Variants in CNOT10 observed in about 807,000 individuals in gnomAD.
The protein encoded by CNOT10 is CCR4-NOT transcription complex, subunit 10.
Under a neutral mutation model 94.6 loss-of-function variants are expected in CNOT10, and 30 were observed. The observed-to-expected ratio is 0.32, with a 90% CI of 0.24 to 0.43. The LOEUF (loss-of-function observed/expected upper bound fraction) is 0.43, where lower values mean the gene tolerates loss of function less well. Among genes scored for constraint, CNOT10 ranks in the 20% least tolerant of loss-of-function variants. The probability of loss-of-function intolerance (pLI) is 1.00; values close to 1 mark genes in which losing one functional copy is unlikely to be tolerated. For missense variants in CNOT10, 759 were observed against 877.2 expected, an observed-to-expected ratio of 0.87 and a Z score of 1.70; for synonymous variants, 289 against 301.6, an observed-to-expected ratio of 0.96 and a Z score of 0.43.
chr3:32,703,538 CT>C (rs1697470210), intron 1 of CNOT10, among the ~76,000 whole-genome samples: 1 of 152,128 alleles, frequency 6.6e-6, no homozygotes, highest in Admixed American at 6.5e-5. Context: ...CCCTACTCAC[CT>C]TTCTTCCTGT....
intron 3 of CNOT10, among the ~76,000 whole-genome samples, chr3:32,705,566 T>C (rs565363207): frequency 6.6e-6 from 1 of 152,286 alleles, no homozygotes; most frequent in East Asian, 1.9e-4. Flanking sequence ...CTTGTTCTTC[T>C]CAGTAGCCCT....
chr3:32,726,594 A>G (rs1698675812), intron 9 of CNOT10, among the ~76,000 whole-genome samples: 1 of 151,282 alleles, frequency 6.6e-6, no homozygotes, highest in Non-Finnish European at 1.5e-5. Flanking sequence ...TACTTGGGAG[A>G]CAGAAGCAGG....
chr3:32,721,060 C>T (rs986111627), intron 8 of CNOT10, among the ~76,000 whole-genome samples: 35 of 97,680 alleles, frequency 3.6e-4, no homozygotes, highest in East Asian at 6.7e-4. Flanking sequence ...TCTTTCCTTT[C>T]TTTTTTTTTT....
intron 13 of CNOT10, among the ~76,000 whole-genome samples, chr3:32,742,982 ATC>A (rs1341865321): frequency 2.9e-5 from 4 of 137,376 alleles, no homozygotes; most frequent in African/African-American, 1.2e-4. Context: ...ATGAATACTA[ATC>A]TTTTTTTTTT....
At chr3:32,687,451 T>G (rs111860369) in intron 1 of CNOT10, among the ~76,000 whole-genome samples, 26 of 70,412 alleles carry the variant, frequency 3.7e-4, no homozygotes, top group Admixed American at 7.3e-4. Flanking sequence ...TTTTTTTTTT[T>G]GTTTTTTTTT....
rs529423159 is a variant in CNOT10 at position 32,741,768 on chromosome 3, C to CAAAAAAAAAAAAAAAAAA, written c.1595+4293_1595+4294insAAAAAAAAAAAAAAAAAA. Reference sequence around the variant, plus strand: ...TGGGCGACAGAGCGAGACTCCGTCTCAAAAAAAAAAAAAAACAGAAGAAAA... The same window carrying CAAAAAAAAAAAAAAAAAA: ...TGGGCGACAGAGCGAGACTCCGTCTCAAAAAAAAAAAAAAAAAAAAAAAAAAAAAAAAACAGAAGAAAA... On this transcript the variant is annotated intron_variant, in intron 13 of 18. Transcript: ENST00000328834. Among the ~76,000 whole-genome samples, 70 of 86,510 alleles carry CAAAAAAAAAAAAAAAAAA rather than the reference C, an allele frequency of 8.1e-4. 1 individual carries two copies. The highest frequency in any genetic ancestry group is 7.5e-3 in the East Asian group (19 of 2,518). The allele number at this position is 86,510 out of a possible 152,430, so 56.8% of individuals were successfully genotyped here. A position where few individuals can be genotyped will look rare whatever the true frequency, so the allele number is the denominator to read the frequency against.
chr3:32,717,291 A>T, intron 7 of CNOT10, 54 bp downstream of exon 7: 4 of 1,043,298 alleles, frequency 3.8e-6, no homozygotes, highest in Non-Finnish European at 5.9e-6. Context: ...TATTTAGACT[A>T]TGGGTATTGT....
intron 3 of CNOT10, 137 bp from the exon 4 acceptor site, chr3:32,708,533 T>A (rs994430833): frequency 4.5e-6 from 3 of 669,374 alleles, no homozygotes; most frequent in Non-Finnish European, 7.4e-6. Flanking sequence ...AATTAAAATC[T>A]AAAGATACTG....
intron 1 of CNOT10, among the ~76,000 whole-genome samples, chr3:32,691,159 C>CTTT (rs34462848): frequency 1.1e-4 from 10 of 88,176 alleles, no homozygotes; most frequent in Admixed American, 2.9e-4. Flanking sequence ...CCACAGCCAG[C>CTTT]TTTTTTTTTT....
intron 10 of CNOT10, among the ~76,000 whole-genome samples, chr3:32,732,503 T>A (rs959146413): frequency 6.6e-6 from 1 of 151,968 alleles, no homozygotes; most frequent in African/African-American, 2.4e-5. Flanking sequence ...GGAGGATCAC[T>A]TGAGCCCAGG....
chr3:32,737,969 G>A (rs554840931), intron 13 of CNOT10, among the ~76,000 whole-genome samples: 1 of 152,088 alleles, frequency 6.6e-6, no homozygotes, highest in Non-Finnish European at 1.5e-5. Context: ...TTAATACTTT[G>A]TTGGGAATAA....
intron 1 of CNOT10, among the ~76,000 whole-genome samples, chr3:32,685,921 T>G (rs1033944616): frequency 6.6e-6 from 1 of 151,998 alleles, no homozygotes; most frequent in Non-Finnish European, 1.5e-5. Flanking sequence ...TCCTGTGAAA[T>G]TAACTTTGTA....
At position 32,764,775 on chromosome 3, in the gene CNOT10, G is replaced by A; in HGVS notation, c.1970G>A (p.Ser657Asn). Residue 657 changes from serine (S) to asparagine (N), a missense_variant, in exon 17 of 19, where the codon AGC becomes AAC. This residue lies in a region of CNOT10 where 682 missense variants were observed against 799.4 expected (regional missense o/e 0.85). Coordinates refer to ENST00000328834, the MANE Select transcript of CNOT10 (RefSeq NM_015442.3). ...CTTGGCAGCGCTTACTGCCTGAGGA[G>A]CGAATATGACAAAGCCCGAAAGTGT... ...FNLGSAYCLR[S>N]EYDKARKCLH... is the part of the protein sequence containing the mutation. 2 of 1,614,206 alleles carry A rather than the reference G, an allele frequency of 1.2e-6. No homozygotes were observed. Among genetic ancestry groups the A allele is most frequent in the East Asian group, 2.2e-5 (1 of 44,880 alleles).
chr3:32,755,319 C>A (rs1190696364), intron 13 of CNOT10, among the ~76,000 whole-genome samples: 2 of 131,186 alleles, frequency 1.5e-5, no homozygotes, highest in East Asian at 2.3e-4. Context: ...TTTTCTTTTT[C>A]TTTTTTTTTT....
chr3:32,759,458 G>A lies in CNOT10; in HGVS notation c.1596G>A (p.Lys532=). The A allele has an allele frequency of 1.2e-6, 2 of 1,609,492 alleles. No homozygotes were observed. The highest frequency in any genetic ancestry group is 1.7e-6 in the Non-Finnish European group (2 of 1,176,522). Residue 532 remains lysine (K), a splice_region_variant and synonymous_variant, in exon 14 of 19, where the codon AAG becomes AAA. Coordinates refer to ENST00000328834, the MANE Select transcript of CNOT10 (RefSeq NM_015442.3). ...CGGCCCCTTCCCTTTTGTGTTATAGGTGCTCCATACTTGCTTGCAGTGCCT... is the reference window on the plus strand; with the variant it reads ...CGGCCCCTTCCCTTTTGTGTTATAGATGCTCCATACTTGCTTGCAGTGCCT... ...PLRKQELENL[K]CSILACSAYV...
chr3:32,695,940 G>A, intron 1 of CNOT10: 1 of 738,496 alleles, frequency 1.4e-6, no homozygotes, highest in Non-Finnish European at 2.1e-6. Context: ...AAATACACAA[G>A]GAAAATAAAA....
At chr3:32,764,864 G>A in intron 17 of CNOT10, 55 bp downstream of exon 17, 1 of 1,590,710 alleles carries the variant, frequency 6.3e-7, no homozygotes, top group East Asian at 2.2e-5. Context: ...ACAAGTTTGA[G>A]GTTTATATTT....
chr3:32,745,749 G>A (rs1052527378), intron 13 of CNOT10, among the ~76,000 whole-genome samples: 2 of 152,182 alleles, frequency 1.3e-5, no homozygotes, highest in Admixed American at 6.5e-5. Flanking sequence ...CTGTAATCCC[G>A]ACGCTTTGGG....
At position 32,689,596 on chromosome 3, in the gene CNOT10, C is replaced by T. The variant is rs147078073; in HGVS notation, c.22+4114C>T. On this transcript the variant is annotated intron_variant, in intron 1 of 18. Coordinates refer to ENST00000328834, the MANE Select transcript of CNOT10 (RefSeq NM_015442.3). ...GCAGACCCCTTGAATACAAGCTCCC[C>T]GAAGATAGAGACTTTTGTCTGTGTT... Among the ~76,000 whole-genome samples, 369 of 152,160 alleles carry T rather than the reference C, an allele frequency of 2.4e-3. 1 individual carries two copies. Among genetic ancestry groups the T allele is most frequent in the Non-Finnish European group, 3.9e-3 (264 of 68,010 alleles).
Sources: allele counts gnomAD v4.1 joint callset (sites outside exome capture counted in the v4.1 genomes callset), GRCh38; gene constraint gnomAD v4.1.1; regional missense constraint gnomAD v4.1.1; transcripts MANE v1.5; gene names NCBI Gene and HGNC (gene_info 2026-07-23, HGNC 2026-07-21).